Variants in ABCA7 observed in about 807,000 individuals in gnomAD.
The protein encoded by ABCA7 is phospholipid-transporting ATPase ABCA7.
In ABCA7, 261 loss-of-function variants were observed where a neutral mutation model predicts 227.6. That is an observed-to-expected ratio of 1.15 (90% CI 1.04 to 1.27). The LOEUF is 1.27. Ranked by LOEUF, ABCA7 falls within the 50% of genes most tolerant of loss-of-function variation. The pLI is 0.00. For synonymous variants in ABCA7, 1,488 were observed against 1,279.7 expected (o/e 1.16, Z -3.47); for missense variants, 3,331 against 2,924.5 (o/e 1.14, Z -3.21).
rs567967598 is a variant in ABCA7 at position 1,054,688 on chromosome 19, T to A, written c.3845T>A (p.Phe1282Tyr). Reference protein sequence around the residue: ...SPTMYGAQVSFFSEDAPGDPG... With the variant: ...SPTMYGAQVSYFSEDAPGDPG... ...ACCATGTACGGTGCTCAGGTGTCCT[T>A]CTTCAGGTGGGTGCAGAAGGAAGGG... Residue 1282 changes from phenylalanine (F) to tyrosine (Y), a missense_variant, in exon 28 of 47, where the codon TTC becomes TAC. Transcript: ENST00000263094. This position sits in a 1 kb window ranked among gnomAD's most constrained non-coding sequence, Gnocchi z 4.8. The A allele has an allele frequency of 4.3e-6, 7 of 1,612,610 alleles. No homozygotes were observed. In the African/African-American group the frequency reaches 5.3e-5, roughly 12 times the overall value.
chr19:1,041,170 C>T (rs1304217518), intron 1 of ABCA7, 55 bp from the exon 2 acceptor site: 5 of 642,440 alleles, frequency 7.8e-6, no homozygotes, highest in Non-Finnish European at 1.4e-5. Flanking sequence ...TACTCCACCC[C>T]TGGGGTAGCG....
chr19:1,050,051 G>T (rs375141336), intron 18 of ABCA7, among the ~76,000 whole-genome samples: 3 of 134,556 alleles, frequency 2.2e-5, no homozygotes, highest in African/African-American at 9.1e-5. Flanking sequence ...CCCCCGACCA[G>T]TCCCTCCCTG....
intron 36 of ABCA7, 39 bp from the exon 37 acceptor site, chr19:1,058,107 T>A: frequency 6.2e-7 from 1 of 1,613,948 alleles, no homozygotes; most frequent in Non-Finnish European, 8.5e-7. Flanking sequence ...GTCGTTGGAC[T>A]CAGCCCCTGA....
intron 19 of ABCA7, 32 bp from the exon 20 acceptor site, chr19:1,051,123 G>T: frequency 6.2e-7 from 1 of 1,610,054 alleles, no homozygotes; most frequent in South Asian, 1.1e-5. Context: ...TGCCTGCCAT[G>T]TGGGTCACTC....
chr19:1,047,397 G>T lies in ABCA7; in HGVS notation c.2067+19G>T. 1 of 1,554,970 alleles carries T rather than the reference G, an allele frequency of 6.4e-7. No individual in the cohort carries two copies. Among genetic ancestry groups the T allele is most frequent in the Non-Finnish European group, 8.7e-7 (1 of 1,155,642 alleles). Reference sequence around the variant, plus strand: ...GGCCGCGGTGAGAGCCGGGTCGGGCGTGGATGGGGGACGCCCCCCGCTTCG... The same window carrying T: ...GGCCGCGGTGAGAGCCGGGTCGGGCTTGGATGGGGGACGCCCCCCGCTTCG... On this transcript the variant is annotated intron_variant, in intron 15 of 46. Coordinates refer to ENST00000263094, the MANE Select transcript of ABCA7 (RefSeq NM_019112.4).
chr19:1,062,606 G>A (rs549150688), intron 42 of ABCA7, among the ~76,000 whole-genome samples: 1 of 151,874 alleles, frequency 6.6e-6, no homozygotes, highest in South Asian at 2.1e-4. Flanking sequence ...CTGTGGCCCT[G>A]CCCACTTGCT....
In ABCA7 at chr19:1,046,360, G is replaced by A. The variant is rs781512553; in HGVS notation, c.1576G>A (p.Gly526Ser). ...GCTCAGCGGCGCCAACCCCCGGGCCGGCCTCTACCTGCAGCAGATGCCCTA... is the reference window on the plus strand; with the variant it reads ...GCTCAGCGGCGCCAACCCCCGGGCCAGCCTCTACCTGCAGCAGATGCCCTA... Reference protein sequence around the residue: ...RVLSGANPRAGLYLQQMPYPC... With the variant: ...RVLSGANPRASLYLQQMPYPC... Residue 526 changes from glycine to serine, a missense_variant, in exon 13 of 47, where the codon GGC becomes AGC. Coordinates refer to ENST00000263094, the MANE Select transcript of ABCA7 (RefSeq NM_019112.4). 1 of 1,595,592 alleles carries A rather than the reference G, an allele frequency of 6.3e-7. No homozygotes were observed. The highest frequency in any genetic ancestry group is 1.1e-5 in the South Asian group (1 of 90,172).
chr19:1,062,171 G>T lies in ABCA7; in HGVS notation c.5571-1G>T. ...TGAGCCCCCGGCGCCCCCATCCCCA[G>T]CGTGGCCCGGGAACCCAGTGCTGCG... On this transcript the variant is annotated splice_acceptor_variant, in intron 41 of 46. Transcript: ENST00000263094. LOFTEE classifies it high-confidence loss of function. 1 of 1,611,578 alleles carries T rather than the reference G, an allele frequency of 6.2e-7. No individual in the cohort carries two copies. Among genetic ancestry groups the T allele is most frequent in the Non-Finnish European group, 8.5e-7 (1 of 1,179,278 alleles).
chr19:1,050,027 A>G (rs1412299040), intron 18 of ABCA7, among the ~76,000 whole-genome samples: 2 of 123,170 alleles, frequency 1.6e-5, no homozygotes, highest in Admixed American at 8.4e-5. Flanking sequence ...CCTCCCTGTG[A>G]GCTCCCTGTG....
At chr19:1,055,447 G>T in intron 30 of ABCA7, 96 bp downstream of exon 30, 1 of 1,406,024 alleles carries the variant, frequency 7.1e-7, no homozygotes, top group Non-Finnish European at 9.3e-7. Flanking sequence ...TGGAGGGGTT[G>T]GATGCCCAGC....
intron 24 of ABCA7, 35 bp downstream of exon 24, chr19:1,053,566 G>C (rs747112187): frequency 6.5e-7 from 1 of 1,547,646 alleles, no homozygotes; most frequent in Admixed American, 1.9e-5. Flanking sequence ...GTGGGGCCAG[G>C]AGGAGGGCTT....
Position 1,057,011 on chromosome 19 carries a change from G to C in ABCA7, c.4691G>C (p.Arg1564Pro). 1 of 1,613,810 alleles carries C rather than the reference G, an allele frequency of 6.2e-7. No homozygotes were observed. The highest frequency in any genetic ancestry group is 8.5e-7 in the Non-Finnish European group (1 of 1,179,996). Residue 1564 changes from arginine to proline, a missense_variant, in exon 34 of 47, where the codon CGA (arginine) becomes CCA (proline). Arg to Pro is a moderately radical substitution (Grantham distance 103). Transcript: ENST00000263094. ...GTCCTCATTGAGGAGCGAGTCACCCGAGCCAAGCACCTGCAGCTCATGGGG... is the reference window on the plus strand; with the variant it reads ...GTCCTCATTGAGGAGCGAGTCACCCCAGCCAAGCACCTGCAGCTCATGGGG... ...TLVLIEERVT[R>P]AKHLQLMGGL...
rs770831653 is a variant in ABCA7, at chr19:1,056,113, G to A, written c.4286G>A (p.Gly1429Asp). 1.2e-6 allele frequency: 2 copies of A among 1,607,824 alleles called. No individual in the cohort carries two copies. The highest frequency in any genetic ancestry group is 2.2e-5 in the South Asian group (2 of 90,826). The change falls in exon 32 of 47, where the codon GGC becomes GAC. Residue 1429 changes from glycine (G) to aspartate (D), a missense_variant. Gly to Asp is a moderately conservative substitution (Grantham distance 94). Coordinates refer to ENST00000263094, the MANE Select transcript of ABCA7 (RefSeq NM_019112.4). The surrounding 1 kb of genome is among the most constrained non-coding windows in gnomAD (Gnocchi z 4.3). ...GGCCGAGACCCAGGCCTGCCCTCGG[G>A]CCAAGAGTTGGGCCGCTCAGTGGAG... ...LGGRDPGLPS[G>D]QELGRSVEEL...
Position 1,046,788 on chromosome 19 carries a change from C to G in ABCA7, c.1623-14C>G. ...GAGGGTCTCCAGCCTCCACCCCAGC[C>G]GTCCCCACCCCAGGTTCCTGCGTGT... On this transcript the variant is annotated splice_polypyrimidine_tract_variant and intron_variant, in intron 13 of 46. Coordinates refer to ENST00000263094, the MANE Select transcript of ABCA7 (RefSeq NM_019112.4). 3.3e-6 allele frequency: 5 copies of G among 1,534,688 alleles called. No individual in the cohort carries two copies. The highest frequency in any genetic ancestry group is 4.4e-6 in the Non-Finnish European group (5 of 1,145,432).
chr19:1,048,122 C>T (rs2144750666), intron 16 of ABCA7, among the ~76,000 whole-genome samples: 1 of 150,724 alleles, frequency 6.6e-6, no homozygotes, highest in East Asian at 2.0e-4. Flanking sequence ...CACTCGAGCC[C>T]AGGAGGTTGA....
At chr19:1,040,410 C>T (rs1158300434) in intron 1 of ABCA7, among the ~76,000 whole-genome samples, 2 of 152,130 alleles carry the variant, frequency 1.3e-5, no homozygotes, top group South Asian at 4.1e-4. Context: ...ACCTGCAGCC[C>T]CCTGCCCGTT....
chr19:1,065,293 C>G lies in ABCA7; in HGVS notation c.6309C>G (p.Asp2103Glu). 1 of 1,613,404 alleles carries G rather than the reference C, an allele frequency of 6.2e-7. No individual in the cohort carries two copies. Among genetic ancestry groups the G allele is most frequent in the Non-Finnish European group, 8.5e-7 (1 of 1,179,964 alleles). The change falls in exon 47 of 47, where the codon GAC (aspartate) becomes GAG (glutamate). Residue 2103 changes from aspartate (D) to glutamate (E), a missense_variant. Asp to Glu is a conservative substitution (Grantham distance 45). Coordinates refer to ENST00000263094, the MANE Select transcript of ABCA7 (RefSeq NM_019112.4). Reference protein sequence around the residue: ...LEEVFLYFSKDQGKDEDTEEQ... With the variant: ...LEEVFLYFSKEQGKDEDTEEQ... ...AGGTATTCTTGTACTTCTCCAAGGA[C>G]CAGGGGAAGGACGAGGACACCGAAG...
intron 34 of ABCA7, 42 bp downstream of exon 34, chr19:1,057,126 TG>T (rs1350686203): frequency 6.3e-7 from 1 of 1,593,312 alleles, no homozygotes; most frequent in East Asian, 2.2e-5. Context: ...AGCCACTGCT[TG>T]CCACTGCCCT....
intron 20 of ABCA7, 68 bp from the exon 21 acceptor site, chr19:1,051,381 C>A: frequency 1.4e-6 from 1 of 714,188 alleles, no homozygotes; most frequent in Non-Finnish European, 2.0e-6. Flanking sequence ...TACTGAGGTC[C>A]ACGTGGGTAG....
Sources: gnomAD v4.1 joint callset for allele counts (sites outside exome capture counted in the v4.1 genomes callset) on GRCh38, gnomAD v4.1.1 for gene constraint, Gnocchi (gnomAD v3.1) non-coding constraint, MANE v1.5 for transcripts, NCBI Gene and HGNC (gene_info 2026-07-23, HGNC 2026-07-21) for gene names.